TRIM37: variants seen among roughly 807,000 people sequenced by gnomAD.
TRIM37 encodes the protein tripartite motif containing 37.
A neutral mutation model predicts 129.8 loss-of-function variants in TRIM37; 80 were observed. The ratio of observed to expected loss-of-function variants is 0.62; its 90% CI spans 0.51 to 0.74. The LOEUF is 0.74. Among genes scored for constraint, TRIM37 ranks in the 30% least tolerant of loss-of-function variants. The probability of loss-of-function intolerance (pLI) is 0.00; values close to 1 mark genes in which losing one functional copy is unlikely to be tolerated. For synonymous variants in TRIM37, 389 were observed against 387.1 expected (o/e 1.00, Z -0.06); for missense variants, 1,054 against 1,176.5 (o/e 0.90, Z 1.52).
intron 12 of TRIM37, among the ~76,000 whole-genome samples, chr17:59,058,739 C>A (rs2041204338): frequency 6.6e-6 from 1 of 152,054 alleles, no homozygotes; most frequent in Non-Finnish European, 1.5e-5. Context: ...TAGTGCATTC[C>A]TGTAGTCCCA....
At chr17:59,044,785 T>G (rs2039602742) in intron 16 of TRIM37, among the ~76,000 whole-genome samples, 2 of 152,134 alleles carry the variant, frequency 1.3e-5, no homozygotes, top group African/African-American at 4.8e-5. Context: ...CATCCTCAGA[T>G]TTTAGTATCC....
intron 19 of TRIM37, among the ~76,000 whole-genome samples, chr17:59,018,253 A>G (rs1343944508): frequency 6.6e-6 from 1 of 152,178 alleles, no homozygotes; most frequent in Non-Finnish European, 1.5e-5. Flanking sequence ...CAAGAATGCT[A>G]TTGCCAGAAG....
At chr17:59,077,809 C>CAAAAA (rs36007655) in intron 7 of TRIM37, among the ~76,000 whole-genome samples, 1 of 71,358 alleles carries the variant, frequency 1.4e-5, no homozygotes, top group Non-Finnish European at 2.5e-5. Context: ...GACTCCATCT[C>CAAAAA]AAAAAAAAAA....
chr17:59,053,686 T>C (rs1207776475), intron 13 of TRIM37, among the ~76,000 whole-genome samples: 1 of 152,214 alleles, frequency 6.6e-6, no homozygotes, highest in Admixed American at 6.5e-5. Flanking sequence ...GTTTGAATAA[T>C]TTTGTAATTC....
At chr17:59,076,640 A>G (rs1298888427) in intron 7 of TRIM37, among the ~76,000 whole-genome samples, 1 of 152,214 alleles carries the variant, frequency 6.6e-6, no homozygotes, top group Admixed American at 6.5e-5. Flanking sequence ...CAAAAAGAAG[A>G]TAGGTATGCT....
chr17:59,093,615 G>T (rs1201747927), intron 2 of TRIM37, among the ~76,000 whole-genome samples: 1 of 152,132 alleles, frequency 6.6e-6, no homozygotes, highest in Non-Finnish European at 1.5e-5. Context: ...CCTTTGCCCT[G>T]CTAGACTATA....
intron 17 of TRIM37, among the ~76,000 whole-genome samples, chr17:59,032,531 CAAAAAAAA>C (rs35442859): frequency 2.4e-5 from 2 of 84,786 alleles, no homozygotes; most frequent in Non-Finnish European, 4.4e-5. Flanking sequence ...GACTCCGTCT[CAAAAAAAA>C]AAAAAAAAAA....
At chr17:58,988,862 C>T (rs2032071285) in intron 24 of TRIM37, among the ~76,000 whole-genome samples, 1 of 152,174 alleles carries the variant, frequency 6.6e-6, no homozygotes, top group Non-Finnish European at 1.5e-5. Flanking sequence ...AGCACAACTC[C>T]TAACTACTAT....
At chr17:59,042,158 C>T (rs984416346) in intron 16 of TRIM37, among the ~76,000 whole-genome samples, 2 of 150,762 alleles carry the variant, frequency 1.3e-5, no homozygotes, top group Admixed American at 6.6e-5. Context: ...AGGCGGATCA[C>T]GAGGTCAGGA....
chr17:59,046,288 G>A (rs2146037523), intron 16 of TRIM37, among the ~76,000 whole-genome samples: 1 of 152,196 alleles, frequency 6.6e-6, no homozygotes, highest in South Asian at 2.1e-4. Flanking sequence ...ACAAATTTTG[G>A]AGTGAAGAAA....
intron 22 of TRIM37, 102 bp from the exon 23 acceptor site, chr17:59,001,816 T>C: frequency 6.7e-7 from 1 of 1,493,596 alleles, no homozygotes; most frequent in Non-Finnish European, 9.1e-7. Flanking sequence ...TATTGAATTT[T>C]ACATGGAATG....
chr17:59,077,861 C>A (rs1448705411), intron 7 of TRIM37, among the ~76,000 whole-genome samples: 1 of 146,482 alleles, frequency 6.8e-6, no homozygotes, highest in African/African-American at 2.5e-5. Context: ...TGGTGGCTCA[C>A]GCCTGTTATC....
chr17:58,992,139 G>A (rs1249668781), intron 24 of TRIM37, among the ~76,000 whole-genome samples: 4 of 151,480 alleles, frequency 2.6e-5, no homozygotes, highest in African/African-American at 9.7e-5. Flanking sequence ...ATGACAAAAG[G>A]TTACAAATAA....
chr17:59,086,584 A>G (rs1161168319), intron 4 of TRIM37, among the ~76,000 whole-genome samples: 1 of 152,140 alleles, frequency 6.6e-6, no homozygotes, highest in East Asian at 1.9e-4. Context: ...AAGGACACTG[A>G]GCTTAGAGAA....
chr17:59,086,953 G>T (rs1249842276), intron 4 of TRIM37, among the ~76,000 whole-genome samples: 3 of 152,124 alleles, frequency 2.0e-5, no homozygotes, highest in Non-Finnish European at 4.4e-5. Context: ...CACTTCAGAG[G>T]AAAAACACCT....
intron 4 of TRIM37, among the ~76,000 whole-genome samples, chr17:59,084,794 T>C (rs907013294): frequency 6.6e-6 from 1 of 152,092 alleles, no homozygotes; most frequent in Non-Finnish European, 1.5e-5. Context: ...ACACCAGGCA[T>C]GCACGTGCAC....
At chr17:59,063,263 TCCACCTC>T (rs1482450968) in intron 10 of TRIM37, among the ~76,000 whole-genome samples, 1 of 151,240 alleles carries the variant, frequency 6.6e-6, no homozygotes, top group African/African-American at 2.4e-5. Context: ...CACTGCAACC[TCCACCTC>T]CCGGTTTCAG....
intron 15 of TRIM37, among the ~76,000 whole-genome samples, 197 bp from the exon 16 acceptor site, chr17:59,048,016 T>C (rs186490862): frequency 1.7e-3 from 259 of 152,358 alleles, no homozygotes; most frequent in African/African-American, 5.9e-3. Flanking sequence ...TACTAACTTA[T>C]GCGTGCCGCC....
chr17:59,002,396 T>G (rs2033893025), intron 22 of TRIM37, among the ~76,000 whole-genome samples: 2 of 152,076 alleles, frequency 1.3e-5, no homozygotes, highest in Non-Finnish European at 2.9e-5. Context: ...CACCATGCCC[T>G]GCTAATTTAA....
Sources: gnomAD v4.1 joint callset for allele counts (sites outside exome capture counted in the v4.1 genomes callset) on GRCh38, gnomAD v4.1.1 for gene constraint, MANE v1.5 for transcripts, NCBI Gene and HGNC (gene_info 2026-07-23, HGNC 2026-07-21) for gene names.